Variants in P4HA2 observed in about 807,000 individuals in gnomAD.
P4HA2 encodes the protein prolyl 4-hydroxylase subunit alpha 2, also known as prolyl 4-hydroxylase subunit alpha-2.
Under a neutral mutation model 76.9 loss-of-function variants are expected in P4HA2, and 46 were observed. The ratio of observed to expected loss-of-function variants is 0.60; its 90% CI spans 0.47 to 0.76. P4HA2 has a LOEUF of 0.76. P4HA2 is among the 30% of genes least tolerant of loss of function. The pLI, the probability that P4HA2 is intolerant of heterozygous loss-of-function variation, is 0.00. For synonymous variants in P4HA2, 243 were observed against 254.0 expected, an observed-to-expected ratio of 0.96 and a Z score of 0.41; for missense variants, 583 against 669.4, an observed-to-expected ratio of 0.87 and a Z score of 1.42.
At position 132,192,799 on chromosome 5, in the gene P4HA2, C is replaced by G. The variant is rs201224376; in HGVS notation, c.*211G>C. The G allele has an allele frequency of 3.5e-5, 19 of 535,768 alleles. No homozygotes were observed. Among genetic ancestry groups the G allele is most frequent in the Non-Finnish European group, 5.7e-5 (17 of 299,634 alleles). The allele number at this position is 535,768 out of a possible 1,614,324, so 33.2% of individuals were successfully genotyped here. A position where few individuals can be genotyped will look rare whatever the true frequency, so the allele number is the denominator to read the frequency against. ...TAACTCTGCTGCAGCCACTTTGATC[C>G]TAGCCTTGGGGCCAGGGATGGCACA... On this transcript the variant is annotated 3_prime_UTR_variant, in exon 15 of 15. Transcript: ENST00000360568.
At chr5:132,194,899 A>G in intron 14 of P4HA2, 27 bp downstream of exon 14, 2 of 1,520,166 alleles carry the variant, frequency 1.3e-6, no homozygotes, top group Non-Finnish European at 9.1e-7. Context: ...GGCCACCAAC[A>G]CCAACACTAC....
chr5:132,208,812 G>A (rs1301864255), intron 7 of P4HA2, among the ~76,000 whole-genome samples: 2 of 151,940 alleles, frequency 1.3e-5, no homozygotes, highest in Non-Finnish European at 2.9e-5. Flanking sequence ...CTTATACCAT[G>A]ACTTCTTTTG....
At chr5:132,198,186 T>C (rs779482780) in intron 12 of P4HA2, 135 bp downstream of exon 12, 1 of 1,614,058 alleles carries the variant, frequency 6.2e-7, no homozygotes, top group Non-Finnish European at 8.5e-7. Flanking sequence ...TTAGGGCTCA[T>C]CAGCACACAT....
Position 132,210,500 on chromosome 5 carries a change from T to G in P4HA2, c.493A>C (p.Ser165Arg), listed in dbSNP as rs1255717088. ...LPGTKYQAML[S>R]VDDCFGMGRS... is the part of the protein sequence containing the mutation. ...CCCATCCCAAAGCAGTCATCCACAC[T>G]CAGCATTGCCTGGTACTTGGTTCCT... Residue 165 changes from serine (S) to arginine (R), a missense_variant, in exon 6 of 15, where the codon AGT becomes CGT. Transcript: ENST00000360568. The G allele has an allele frequency of 6.2e-7, 1 of 1,613,890 alleles. No homozygotes were observed. Among genetic ancestry groups the G allele is most frequent in the African/African-American group, 1.3e-5 (1 of 74,888 alleles).
chr5:132,213,926 C>G lies in P4HA2; in HGVS notation c.459G>C (p.Gly153=), dbSNP rs200399940. 2 of 1,614,056 alleles carry G rather than the reference C, an allele frequency of 1.2e-6. No homozygotes were observed. The highest frequency in any genetic ancestry group is 1.7e-6 in the Non-Finnish European group (2 of 1,179,962). Residue 153 remains glycine, a synonymous_variant, in exon 5 of 15, where the codon GGG becomes GGC. Transcript: ENST00000360568. Reference sequence around the variant, plus strand: ...GGAGTGGTGAGTTACCTGGAAGTTCCCCTCTGGAAATTGTGCCTGGGTCCA... The same window carrying G: ...GGAGTGGTGAGTTACCTGGAAGTTCGCCTCTGGAAATTGTGCCTGGGTCCA... ...YRLDPGTISR[G]ELPGTKYQAM...
chr5:132,211,846 A>T (rs1025480525), intron 5 of P4HA2, among the ~76,000 whole-genome samples: 8 of 152,242 alleles, frequency 5.3e-5, no homozygotes, highest in African/African-American at 1.9e-4. Context: ...TAAAGATAAT[A>T]TCATCAATTT....
At position 132,195,014 on chromosome 5, in the gene P4HA2, A is replaced by C; in HGVS notation, c.1443T>G (p.Ala481=). The C allele has an allele frequency of 6.2e-7, 1 of 1,609,166 alleles. No individual in the cohort carries two copies. Among genetic ancestry groups the C allele is most frequent in the Non-Finnish European group, 8.5e-7 (1 of 1,175,430 alleles). The change falls in exon 14 of 15, where the codon GCT becomes GCG. Residue 481 remains alanine, a synonymous_variant. Coordinates refer to ENST00000360568, the MANE Select transcript of P4HA2 (RefSeq NM_001017974.2). ...GAAIWPKKGT[A]VFWYNLLRSG... is the part of the protein sequence containing the mutation. ...TCCGCAAGAGGTTGTACCAGAACAC[A>C]GCTGTACCCTGGGAAAGAGATGGCC...
chr5:132,220,101 G>A (rs983676485), intron 1 of P4HA2, among the ~76,000 whole-genome samples: 2 of 152,254 alleles, frequency 1.3e-5, no homozygotes, highest in African/African-American at 2.4e-5. Flanking sequence ...CCATTAGGGA[G>A]TTAGAGCAGC....
intron 8 of P4HA2, among the ~76,000 whole-genome samples, chr5:132,206,583 G>T (rs907522211): frequency 7.2e-5 from 11 of 152,130 alleles, no homozygotes; most frequent in Admixed American, 6.5e-4. Context: ...CAGCAAATAG[G>T]TCTCTTTGAA....
intron 8 of P4HA2, among the ~76,000 whole-genome samples, chr5:132,207,207 T>C (rs1408522139): frequency 6.6e-6 from 1 of 152,104 alleles, no homozygotes; most frequent in African/African-American, 2.4e-5. Flanking sequence ...TACCAAGGAA[T>C]AAACTTAAGA....
chr5:132,194,873 G>T, intron 14 of P4HA2, 53 bp downstream of exon 14: 1 of 1,262,000 alleles, frequency 7.9e-7, no homozygotes, highest in Non-Finnish European at 1.2e-6. Flanking sequence ...AGGCCAATAA[G>T]CAAAGCCCAA....
chr5:132,210,216 A>G, intron 6 of P4HA2, 68 bp downstream of exon 6: 4 of 1,568,258 alleles, frequency 2.6e-6, no homozygotes, highest in Non-Finnish European at 3.5e-6. Context: ...GGTCAGGCAG[A>G]TGCCAGCACA....
chr5:132,206,349 C>T (rs901738904), intron 8 of P4HA2, among the ~76,000 whole-genome samples: 6 of 152,158 alleles, frequency 3.9e-5, no homozygotes, highest in African/African-American at 1.4e-4. Context: ...CCTTCCTCAG[C>T]CACATCGATG....
In P4HA2 at chr5:132,195,054, CT is replaced by C. The variant is rs1750426054; in HGVS notation, c.1435-33del. ...AAGAGATGGCCTTTCAGAACACATTCTTAAGAGACTGTGCTCAGGGACCTGA... is the reference window on the plus strand; with the variant it reads ...AAGAGATGGCCTTTCAGAACACATTCTAAGAGACTGTGCTCAGGGACCTGA... On this transcript the variant is annotated intron_variant, in intron 13 of 14. Coordinates refer to ENST00000360568, the MANE Select transcript of P4HA2 (RefSeq NM_001017974.2). The C allele has an allele frequency of 2.8e-6, 4 of 1,405,584 alleles. No homozygotes were observed. The South Asian group carries it at 4.6e-5, about 16-fold the overall frequency. The allele number at this position is 1,405,584 out of a possible 1,614,324, so 87.1% of individuals were successfully genotyped here.
At chr5:132,226,285 C>A (rs765727087) in intron 1 of P4HA2, among the ~76,000 whole-genome samples, 1 of 152,152 alleles carries the variant, frequency 6.6e-6, no homozygotes, top group Non-Finnish European at 1.5e-5. Context: ...TTTAAGAATG[C>A]CCCAAGCTAC....
At chr5:132,199,652 TCAGCGTCAGTAGA>T (rs1432614468) in intron 10 of P4HA2, 1 of 152,264 alleles carries the variant, frequency 6.6e-6, no homozygotes, top group Non-Finnish European at 1.5e-5. Context: ...AATTATTGTC[TCAGCGTCAGTAGA>T]CAGAATGAGA....
At chr5:132,222,077 C>G (rs1381434471) in intron 1 of P4HA2, 1 of 152,296 alleles carries the variant, frequency 6.6e-6, no homozygotes, top group Non-Finnish European at 1.5e-5. Flanking sequence ...AAGCTCCCAG[C>G]TGCAACCCAA....
chr5:132,195,362 T>G (rs201467851), intron 13 of P4HA2, 50 bp downstream of exon 13: 5 of 1,356,702 alleles, frequency 3.7e-6, no homozygotes, highest in Admixed American at 1.7e-5. Flanking sequence ...ATGGACAAAG[T>G]AAAGTCTGAG....
At position 132,210,292 on chromosome 5, in the gene P4HA2, A is replaced by C. The variant is rs979150749; in HGVS notation, c.701T>G (p.Leu234Arg). 2.5e-5 allele frequency: 40 copies of C among 1,613,870 alleles called. 1 individual carries two copies. Among genetic ancestry groups the C allele is most frequent in the Non-Finnish European group, 3.4e-5 (40 of 1,180,020 alleles). The change falls in exon 6 of 15, where the codon CTC (leucine) becomes CGC (arginine). Residue 234 changes from leucine to arginine, a missense_variant. By Grantham distance (102) the Leu-to-Arg change is moderately radical. Coordinates refer to ENST00000360568, the MANE Select transcript of P4HA2 (RefSeq NM_001017974.2). ...CCCTAGAATCTCCTTACCAAGGGAG[A>C]GCAGGCGGCGGGTGAGCTCCAGGGC... is the stretch of plus-strand genomic sequence containing the variant. Reference protein sequence around the residue: ...HRALELTRRLLSLDPSHERAG... With the variant: ...HRALELTRRLRSLDPSHERAG...
Sources: gnomAD v4.1 joint callset for allele counts (sites outside exome capture counted in the v4.1 genomes callset) on GRCh38, gnomAD v4.1.1 for gene constraint, MANE v1.5 for transcripts, NCBI Gene and HGNC (gene_info 2026-07-23, HGNC 2026-07-21) for gene names.